PCDHA1: variants seen among roughly 807,000 people sequenced by gnomAD.
The protein encoded by PCDHA1 is protocadherin alpha-1.
Under a neutral mutation model 61.3 loss-of-function variants are expected in PCDHA1, and 42 were observed. The observed-to-expected ratio is 0.69, with a 90% CI of 0.54 to 0.89. PCDHA1 has a LOEUF of 0.89. Among genes scored for constraint, PCDHA1 ranks in the 40% least tolerant of loss-of-function variants. The probability of loss-of-function intolerance (pLI) is 0.00; values close to 1 mark genes in which losing one functional copy is unlikely to be tolerated. For missense variants in PCDHA1, 1,256 were observed against 1,235.3 expected (o/e 1.02, Z -0.25); for synonymous variants, 610 against 553.8 (o/e 1.10, Z -1.43).
At chr5:140,897,298 G>A (rs1372345306) in intron 1 of PCDHA1, among the ~76,000 whole-genome samples, 18 of 150,818 alleles carry the variant, frequency 1.2e-4, no homozygotes, top group Non-Finnish European at 1.8e-4. Flanking sequence ...TCGTCATTTA[G>A]CATTAGGTAT....
intron 1 of PCDHA1, among the ~76,000 whole-genome samples, chr5:140,840,938 GA>G (rs1162522962): frequency 6.6e-6 from 1 of 151,908 alleles, no homozygotes; most frequent in Non-Finnish European, 1.5e-5. Flanking sequence ...TACGATATTT[GA>G]AATATTGGGA....
chr5:140,826,588 A>T (rs1554130595), intron 1 of PCDHA1, among the ~76,000 whole-genome samples: 1 of 152,184 alleles, frequency 6.6e-6, no homozygotes, highest in African/African-American at 2.4e-5. Flanking sequence ...CAAATGGATA[A>T]CATTAAGGTT....
chr5:140,912,640 T>C (rs181860319), intron 1 of PCDHA1, among the ~76,000 whole-genome samples: 5 of 152,296 alleles, frequency 3.3e-5, no homozygotes, highest in Non-Finnish European at 7.4e-5. Flanking sequence ...TTCAGTACTA[T>C]GTTGAATAGA....
intron 1 of PCDHA1, among the ~76,000 whole-genome samples, chr5:140,949,671 G>A (rs1316716969): frequency 6.6e-6 from 1 of 151,584 alleles, no homozygotes. Context: ...TTTAAAGTAT[G>A]CCCTTGTTGA....
chr5:141,010,405 C>A lies in PCDHA1; in HGVS notation c.*468C>A. The A allele has an allele frequency of 7.9e-7, 1 of 1,260,098 alleles. No homozygotes were observed. The highest frequency in any genetic ancestry group is 1.1e-6 in the Non-Finnish European group (1 of 934,062). The allele number at this position is 1,260,098 out of a possible 1,614,324, so 78.1% of individuals were successfully genotyped here. On this transcript the variant is annotated 3_prime_UTR_variant, in exon 4 of 4. Transcript: ENST00000504120. ...ATTGGCTGAGACGAGCCAGCTTAGACTAATTGGTACAAGGAAGGCAAGAAA... is the reference window on the plus strand; with the variant it reads ...ATTGGCTGAGACGAGCCAGCTTAGAATAATTGGTACAAGGAAGGCAAGAAA...
chr5:140,910,869 C>T (rs2153516135), intron 1 of PCDHA1, among the ~76,000 whole-genome samples: 1 of 152,264 alleles, frequency 6.6e-6, no homozygotes, highest in Non-Finnish European at 1.5e-5. Context: ...CCACCATTAT[C>T]CCACACCCTT....
At chr5:140,886,615 C>A (rs1032902050) in intron 1 of PCDHA1, among the ~76,000 whole-genome samples, 2 of 152,028 alleles carry the variant, frequency 1.3e-5, no homozygotes, top group Admixed American at 1.3e-4. Flanking sequence ...ATCAGGAGAT[C>A]AGGAGTCCGA....
Position 141,010,042 on chromosome 5 carries a change from TAGAGACCTCAG to T in PCDHA1, c.*107_*117del. ...TTTTTCCTATCTACATGAGCCCTCTTAGAGACCTCAGAAATCTGCAGAAAGTTCCCTGTGTC... is the reference window on the plus strand; with the variant it reads ...TTTTTCCTATCTACATGAGCCCTCTTAAATCTGCAGAAAGTTCCCTGTGTC... On this transcript the variant is annotated 3_prime_UTR_variant, in exon 4 of 4. Transcript: ENST00000504120. 6.3e-7 allele frequency: 1 copy of T among 1,594,374 alleles called. No individual in the cohort carries two copies. The highest frequency in any genetic ancestry group is 1.2e-5 in the South Asian group (1 of 86,942).
chr5:141,006,620 T>C (rs1237251555), intron 3 of PCDHA1, among the ~76,000 whole-genome samples: 3 of 152,148 alleles, frequency 2.0e-5, no homozygotes, highest in Admixed American at 6.5e-5. Context: ...ATAAGGAGAC[T>C]ATTGCTGCAA....
intron 1 of PCDHA1, chr5:140,862,697 T>C (rs2047497328): frequency 1.8e-6 from 1 of 556,706 alleles, no homozygotes; most frequent in East Asian, 5.0e-5. Context: ...TACTCGTTGA[T>C]GGAACAGCGG....
intron 1 of PCDHA1, chr5:140,796,387 T>G: frequency 6.2e-7 from 1 of 1,613,538 alleles, no homozygotes; most frequent in South Asian, 1.1e-5. Flanking sequence ...CTGCCACATC[T>G]TCACGGTGTC....
intron 1 of PCDHA1, among the ~76,000 whole-genome samples, chr5:140,791,915 A>C (rs1444736203): frequency 6.6e-6 from 1 of 152,190 alleles, no homozygotes; most frequent in Non-Finnish European, 1.5e-5. Context: ...AGGGATATAC[A>C]GTTCCATAGA....
At chr5:140,884,194 G>C in intron 1 of PCDHA1, 1 of 1,613,402 alleles carries the variant, frequency 6.2e-7, no homozygotes, top group Non-Finnish European at 8.5e-7. Flanking sequence ...AGGTGGACGC[G>C]CCGCACCACC....
intron 1 of PCDHA1, chr5:140,794,722 A>C: frequency 2.1e-6 from 1 of 480,508 alleles, no homozygotes; most frequent in Non-Finnish European, 3.6e-6. Context: ...GCTATGAGTA[A>C]ACTTAAACCA....
At chr5:140,814,347 G>A (rs1554126500) in intron 1 of PCDHA1, 3 of 151,722 alleles carry the variant, frequency 2.0e-5, no homozygotes, top group African/African-American at 4.8e-5. Context: ...GTCTTCTGGG[G>A]CAGTTACACA....
At chr5:140,881,350 T>G (rs1189745119) in intron 1 of PCDHA1, 10 of 985,236 alleles carry the variant, frequency 1.0e-5, no homozygotes, top group Non-Finnish European at 1.2e-5. Context: ...CGGGCTACAA[T>G]GCGTGGCTTT....
chr5:140,808,399 C>T (rs782596581), intron 1 of PCDHA1: 1 of 1,614,190 alleles, frequency 6.2e-7, no homozygotes, highest in Non-Finnish European at 8.5e-7. Flanking sequence ...TCAAGAATTA[C>T]TACTCGTTGG....
chr5:140,887,023 A>T (rs561705710), intron 1 of PCDHA1, among the ~76,000 whole-genome samples: 3 of 152,050 alleles, frequency 2.0e-5, no homozygotes, highest in South Asian at 2.1e-4. Flanking sequence ...TGCCTGAAAA[A>T]TTTCTTTAAT....
At chr5:140,822,284 G>A (rs2150115215) in intron 1 of PCDHA1, 1 of 1,614,234 alleles carries the variant, frequency 6.2e-7, no homozygotes, top group South Asian at 1.1e-5. Context: ...TTGAGATACA[G>A]GTTAAATCCA....
Sources: allele counts gnomAD v4.1 joint callset (sites outside exome capture counted in the v4.1 genomes callset), GRCh38; gene constraint gnomAD v4.1.1; transcripts MANE v1.5; gene names NCBI Gene and HGNC (gene_info 2026-07-23, HGNC 2026-07-21).